The following TRAF2 variants were observed in gnomAD, a reference collection of about 807,000 sequenced individuals.
The protein encoded by TRAF2 is TNF receptor associated factor 2.
A neutral mutation model predicts 55.6 loss-of-function variants in TRAF2; 6 were observed. The observed-to-expected ratio is 0.11, with a 90% CI of 0.06 to 0.21. TRAF2 has a LOEUF of 0.21. Among genes scored for constraint, TRAF2 ranks in the 10% least tolerant of loss-of-function variants. TRAF2 has a pLI of 1.00. For missense variants in TRAF2, 561 were observed against 684.5 expected (o/e 0.82, Z 2.01); for synonymous variants, 329 against 276.3 (o/e 1.19, Z -1.89).
intron 10 of TRAF2, 106 bp downstream of exon 10, chr9:136,924,106 C>G (rs542708818): frequency 9.6e-5 from 134 of 1,401,714 alleles, no homozygotes; most frequent in Non-Finnish European, 1.2e-4. Context: ...CTTGGGCTCG[C>G]TGGACCAGGT....
chr9:136,910,943 A>G (rs111291387), intron 6 of TRAF2, among the ~76,000 whole-genome samples: 16 of 152,276 alleles, frequency 1.1e-4, no homozygotes, highest in African/African-American at 3.6e-4. Context: ...CATAGAGGCT[A>G]TGGCTGCTGC....
intron 4 of TRAF2, 106 bp downstream of exon 4, chr9:136,900,626 G>A: frequency 1.1e-6 from 1 of 879,870 alleles, no homozygotes; most frequent in South Asian, 1.4e-5. Flanking sequence ...TCTCACTGGG[G>A]CTGAAGCCTG....
intron 3 of TRAF2, 66 bp downstream of exon 3, chr9:136,899,738 G>A: frequency 6.7e-7 from 1 of 1,492,122 alleles, no homozygotes; most frequent in Non-Finnish European, 9.2e-7. Context: ...TTACAACATG[G>A]GTGGGGCTGG....
intron 1 of TRAF2, among the ~76,000 whole-genome samples, chr9:136,890,945 A>G: frequency 6.6e-6 from 1 of 152,116 alleles, no homozygotes; most frequent in Non-Finnish European, 1.5e-5. Flanking sequence ...ACCTCGGCTC[A>G]CTGCAGCCTC....
chr9:136,924,839 A>G (rs867946399), intron 10 of TRAF2, among the ~76,000 whole-genome samples: 6 of 151,958 alleles, frequency 3.9e-5, no homozygotes, highest in Middle Eastern at 3.2e-3. Context: ...CCTGGGTTCA[A>G]GCGATTCTCC....
At position 136,925,957 on chromosome 9, in the gene TRAF2, A is replaced by AG. The variant is rs766628834; in HGVS notation, c.*60dup. 30 of 1,599,920 alleles carry AG rather than the reference A, an allele frequency of 1.9e-5. No individual in the cohort carries two copies. The Admixed American group carries it at 5.0e-4, about 27-fold the overall frequency. ...GCAGCCAGGCACAGCCGGCTCACGGAGGGGCCACCACGCTGGGCCAGGGTC... is the reference window on the plus strand; with the variant it reads ...GCAGCCAGGCACAGCCGGCTCACGGAGGGGGCCACCACGCTGGGCCAGGGTC... On this transcript the variant is annotated 3_prime_UTR_variant, in exon 11 of 11. Coordinates refer to ENST00000247668, the MANE Select transcript of TRAF2 (RefSeq NM_021138.4).
intron 6 of TRAF2, among the ~76,000 whole-genome samples, chr9:136,910,440 C>T (rs1850077000): frequency 6.6e-6 from 1 of 152,198 alleles, no homozygotes; most frequent in African/African-American, 2.4e-5. Flanking sequence ...AGAACTTTGT[C>T]CCTGGTGTCC....
At chr9:136,886,664 C>A in intron 1 of TRAF2, 123 bp downstream of exon 1, 1 of 33,352 alleles carries the variant, frequency 3.0e-5, no homozygotes, top group Non-Finnish European at 4.9e-5. Flanking sequence ...GGAGCGGGAG[C>A]GGGGGCGGGA....
At chr9:136,908,367 C>T (rs992188582) in intron 5 of TRAF2, 136 bp downstream of exon 5, 34 of 996,106 alleles carry the variant, frequency 3.4e-5, no homozygotes, top group African/African-American at 2.8e-4. Context: ...TGGAGACACG[C>T]GGGCGGATGT....
intron 1 of TRAF2, among the ~76,000 whole-genome samples, chr9:136,892,037 C>T (rs759822077): frequency 8.6e-5 from 13 of 152,028 alleles, no homozygotes; most frequent in East Asian, 1.9e-4. Flanking sequence ...TCTGTCTACC[C>T]TAGCAAAACG....
chr9:136,912,029 A>AT (rs1850122714), intron 6 of TRAF2, among the ~76,000 whole-genome samples: 1 of 146,966 alleles, frequency 6.8e-6, no homozygotes, highest in African/African-American at 2.5e-5. Context: ...TTGTTTTTGT[A>AT]TTTTTAGTAC....
intron 10 of TRAF2, among the ~76,000 whole-genome samples, chr9:136,924,250 A>G (rs1322545950): frequency 6.6e-6 from 1 of 152,136 alleles, no homozygotes; most frequent in Non-Finnish European, 1.5e-5. Context: ...GATAAATATA[A>G]ATATGACTAA....
In TRAF2 at chr9:136,923,938, CTCT is replaced by C. The variant is rs1004692565; in HGVS notation, c.1230_1232del (p.Phe411del). 6.2e-7 allele frequency: 1 copy of C among 1,613,948 alleles called. No homozygotes were observed. The highest frequency in any genetic ancestry group is 1.3e-5 in the African/African-American group (1 of 74,924). ...CACCGGGCGAGGAACACACCTGTCC[CTCT>C]TCTTTGTGGTGATGAAGGGCCCGAA... On this transcript the variant is annotated inframe_deletion, in exon 10 of 11. Coordinates refer to ENST00000247668, the MANE Select transcript of TRAF2 (RefSeq NM_021138.4).
chr9:136,911,717 T>C (rs1185410147), intron 6 of TRAF2, among the ~76,000 whole-genome samples: 2 of 152,118 alleles, frequency 1.3e-5, no homozygotes, highest in African/African-American at 4.8e-5. Flanking sequence ...GGCCGACATA[T>C]AGGGGCTGCA....
At chr9:136,907,816 C>T (rs988585048) in intron 4 of TRAF2, among the ~76,000 whole-genome samples, 4 of 152,004 alleles carry the variant, frequency 2.6e-5, no homozygotes, top group African/African-American at 9.7e-5. Flanking sequence ...AAGGCATCCA[C>T]ACAGAGACCC....
chr9:136,882,362 G>C (rs1022248773), upstream of TRAF2, among the ~76,000 whole-genome samples: 1 of 152,260 alleles, frequency 6.6e-6, no homozygotes, highest in Non-Finnish European at 1.5e-5. Context: ...GGCCCAGTAG[G>C]TAGCTGTGGG....
intron 6 of TRAF2, among the ~76,000 whole-genome samples, chr9:136,911,284 T>G (rs1850099988): frequency 1.2e-5 from 1 of 86,430 alleles, no homozygotes; most frequent in Non-Finnish European, 2.4e-5. Flanking sequence ...TTTTTTTTTT[T>G]GGAGACAGAG....
At chr9:136,912,573 C>T (rs939553327) in intron 6 of TRAF2, among the ~76,000 whole-genome samples, 2 of 152,124 alleles carry the variant, frequency 1.3e-5, no homozygotes, top group Non-Finnish European at 2.9e-5. Context: ...AGCATGGTGG[C>T]TCACTCCTGT....
rs576275170 is a variant in TRAF2 at position 136,898,498 on chromosome 9, C to T, written c.-28-215C>T. 289 of 834,878 alleles carry T rather than the reference C, an allele frequency of 3.5e-4. 2 individuals carry two copies. In the African/African-American group the frequency reaches 4.9e-3, roughly 14 times the overall value. 51.7% of individuals were successfully genotyped at this position (834,878 alleles called of 1,614,324 possible). ...ATGCCAGCTGTGTGGTCCCCAGCCT[C>T]ACTGAGCCTGAGTTTCCATACTAGC... On this transcript the variant is annotated intron_variant, in intron 1 of 10. Coordinates refer to ENST00000247668, the MANE Select transcript of TRAF2 (RefSeq NM_021138.4).
Sources: gnomAD v4.1 joint callset for allele counts (sites outside exome capture counted in the v4.1 genomes callset) on GRCh38, gnomAD v4.1.1 for gene constraint, MANE v1.5 for transcripts, NCBI Gene and HGNC (gene_info 2026-07-23, HGNC 2026-07-21) for gene names.